MYO5A: variants seen among roughly 807,000 people sequenced by gnomAD.
The protein encoded by MYO5A is myosin VA, also known as unconventional myosin-Va.
A neutral mutation model predicts 249.7 loss-of-function variants in MYO5A; 98 were observed. That is an observed-to-expected ratio of 0.39 (90% CI 0.33 to 0.46). The LOEUF is 0.46. MYO5A is among the 20% of genes least tolerant of loss of function. The pLI is 0.98. For missense variants in MYO5A, 1,696 were observed against 2,308.8 expected, an observed-to-expected ratio of 0.73 and a Z score of 5.44; for synonymous variants, 778 against 810.6, an observed-to-expected ratio of 0.96 and a Z score of 0.68.
intron 16 of MYO5A, among the ~76,000 whole-genome samples, chr15:52,382,564 T>A (rs889223608): frequency 2.0e-5 from 3 of 152,126 alleles, no homozygotes; most frequent in African/African-American, 7.2e-5. Context: ...AGAGTGAAAC[T>A]CTATCTCAAA....
intron 22 of MYO5A, among the ~76,000 whole-genome samples, chr15:52,368,855 T>C (rs147896851): frequency 1.6e-3 from 247 of 152,310 alleles, no homozygotes; most frequent in African/African-American, 5.8e-3. Flanking sequence ...AGGCAAGAAC[T>C]TGGCTTTGAA....
chr15:52,449,785 A>T (rs995551230), intron 1 of MYO5A, among the ~76,000 whole-genome samples: 3 of 152,204 alleles, frequency 2.0e-5, no homozygotes, highest in African/African-American at 7.2e-5. Flanking sequence ...GGACTGCTTG[A>T]GTCCAGGAGT....
At chr15:52,400,584 C>T (rs2141198811) in intron 9 of MYO5A, among the ~76,000 whole-genome samples, 1 of 152,302 alleles carries the variant, frequency 6.6e-6, no homozygotes, top group Non-Finnish European at 1.5e-5. Flanking sequence ...TTAACATGAA[C>T]AGTTCTTCAT....
intron 4 of MYO5A, among the ~76,000 whole-genome samples, chr15:52,425,579 CG>C (rs754920795): frequency 6.6e-6 from 1 of 152,106 alleles, no homozygotes; most frequent in Non-Finnish European, 1.5e-5. Flanking sequence ...AGGCTAGTCT[CG>C]AACTCCTGAC....
At chr15:52,352,547 C>T (rs914703218) in intron 27 of MYO5A, among the ~76,000 whole-genome samples, 2 of 152,066 alleles carry the variant, frequency 1.3e-5, no homozygotes, top group Admixed American at 6.6e-5. Context: ...TTTGGGAGGC[C>T]GAGACAGTTG....
In MYO5A at chr15:52,307,782, AAT is replaced by A. The variant is rs1456756506; in HGVS notation, c.*5912_*5913del. ...TTAATACAGTTAATAATTAAAATAC[AAT>A]ATGTTAAATGGCATGAACTCATTTT... is the stretch of plus-strand genomic sequence containing the variant. On this transcript the variant is annotated 3_prime_UTR_variant, in exon 42 of 42. Coordinates refer to ENST00000399233, the MANE Select transcript of MYO5A (RefSeq NM_001382347.1). 2.6e-5 allele frequency: 4 copies of A among 152,296 alleles called. No individual in the cohort carries two copies. The East Asian group carries it at 7.7e-4, about 29-fold the overall frequency. The allele number at this position is 152,296 out of a possible 1,614,324, so 9.4% of individuals were successfully genotyped here.
intron 25 of MYO5A, among the ~76,000 whole-genome samples, chr15:52,355,256 T>A (rs1415738639): frequency 6.6e-6 from 1 of 152,218 alleles, no homozygotes; most frequent in East Asian, 1.9e-4. Context: ...TATCCTTGGG[T>A]TCTGTATCTG....
chr15:52,363,262 T>A (rs954001910), intron 24 of MYO5A, among the ~76,000 whole-genome samples: 1 of 152,140 alleles, frequency 6.6e-6, no homozygotes, highest in African/African-American at 2.4e-5. Flanking sequence ...AATTACAGAA[T>A]GTGAAGGAAG....
At chr15:52,316,432 T>G (rs2140913584) in intron 40 of MYO5A, among the ~76,000 whole-genome samples, 1 of 152,260 alleles carries the variant, frequency 6.6e-6, no homozygotes, top group East Asian at 1.9e-4. Context: ...TACTGCTATC[T>G]TCCCTCAGTA....
intron 1 of MYO5A, among the ~76,000 whole-genome samples, chr15:52,434,723 C>T (rs1347900443): frequency 6.6e-6 from 1 of 152,192 alleles, no homozygotes; most frequent in Non-Finnish European, 1.5e-5. Flanking sequence ...TGTGCTTGGA[C>T]TCTCTGGGAA....
At chr15:52,495,451 G>A (rs1461025876) in intron 1 of MYO5A, among the ~76,000 whole-genome samples, 1 of 152,100 alleles carries the variant, frequency 6.6e-6, no homozygotes, top group Non-Finnish European at 1.5e-5. Flanking sequence ...CAGTTAGACA[G>A]GAAGAGTAAG....
chr15:52,319,135 A>G lies in MYO5A; in HGVS notation c.5159T>C (p.Ile1720Thr). The G allele has an allele frequency of 6.2e-7, 1 of 1,614,136 alleles. No homozygotes were observed. The highest frequency in any genetic ancestry group is 8.5e-7 in the Non-Finnish European group (1 of 1,180,018). Residue 1720 changes from isoleucine (I) to threonine (T), a missense_variant, in exon 39 of 42, where the codon ATC (isoleucine) becomes ACC (threonine). Coordinates refer to ENST00000399233, the MANE Select transcript of MYO5A (RefSeq NM_001382347.1). Reference sequence around the variant, plus strand: ...GTTGTTCAGGGTGATGGCCCCTATGATGTAGAACATCTGCTTGACCACCTG... The same window carrying G: ...GTTGTTCAGGGTGATGGCCCCTATGGTGTAGAACATCTGCTTGACCACCTG... ...IKQVVKQMFY[I>T]IGAITLNNLL...
At chr15:52,501,991 T>A (rs1200520055) in intron 1 of MYO5A, among the ~76,000 whole-genome samples, 3 of 152,146 alleles carry the variant, frequency 2.0e-5, no homozygotes, top group Admixed American at 6.5e-5. Flanking sequence ...TTATCTTTTT[T>A]AAATAGTGGT....
At chr15:52,507,165 G>C (rs1305901253) in intron 1 of MYO5A, among the ~76,000 whole-genome samples, 1 of 152,218 alleles carries the variant, frequency 6.6e-6, no homozygotes, top group Non-Finnish European at 1.5e-5. Context: ...CTCTATAACA[G>C]AAGGAGAAAT....
intron 12 of MYO5A, 101 bp from the exon 13 acceptor site, chr15:52,389,464 T>C (rs1349965028): frequency 8.7e-7 from 1 of 1,149,720 alleles, no homozygotes; most frequent in East Asian, 2.5e-5. Flanking sequence ...TTTTTGGCTT[T>C]AACTAATAAC....
intron 1 of MYO5A, among the ~76,000 whole-genome samples, chr15:52,526,684 G>C (rs1446065320): frequency 6.6e-6 from 1 of 152,002 alleles, no homozygotes; most frequent in Non-Finnish European, 1.5e-5. Flanking sequence ...GTAGAGACCA[G>C]GTCTCATTAT....
chr15:52,432,137 G>A (rs976196229), intron 2 of MYO5A, among the ~76,000 whole-genome samples: 2 of 152,190 alleles, frequency 1.3e-5, no homozygotes, highest in Admixed American at 1.3e-4. Flanking sequence ...AAATAAATGG[G>A]AGAGGAGAAA....
intron 1 of MYO5A, among the ~76,000 whole-genome samples, chr15:52,454,616 T>C (rs2076083251): frequency 6.6e-6 from 1 of 151,844 alleles, no homozygotes; most frequent in Non-Finnish European, 1.5e-5. Flanking sequence ...ACAAAACAAA[T>C]CTCAACACAT....
intron 1 of MYO5A, among the ~76,000 whole-genome samples, chr15:52,455,792 C>T (rs2076106573): frequency 6.7e-6 from 1 of 148,260 alleles, no homozygotes; most frequent in Non-Finnish European, 1.5e-5. Context: ...AAAACCTCAA[C>T]AAAGTGGTTA....
Sources: allele counts gnomAD v4.1 joint callset (sites outside exome capture counted in the v4.1 genomes callset), GRCh38; gene constraint gnomAD v4.1.1; transcripts MANE v1.5; gene names NCBI Gene and HGNC (gene_info 2026-07-23, HGNC 2026-07-21).